ASB4: variants seen among roughly 807,000 people sequenced by gnomAD.
ASB4 encodes ankyrin repeat and SOCS box containing 4, also known as ankyrin repeat and SOCS box protein 4.
In ASB4, 35 loss-of-function variants were observed where a neutral mutation model predicts 38.6. The ratio of observed to expected loss-of-function variants is 0.91; its 90% CI spans 0.69 to 1.20. The LOEUF is 1.20. Among genes scored for constraint, ASB4 ranks in the 50% most tolerant of loss-of-function variants. ASB4 has a pLI of 0.00. For synonymous variants in ASB4, 195 were observed against 201.3 expected (o/e 0.97, Z 0.26); for missense variants, 557 against 527.2 (o/e 1.06, Z -0.55).
At chr7:95,547,408 G>T in the ASB4 span, among the ~76,000 whole-genome samples, 25 of 152,270 alleles carry the variant, frequency 1.6e-4, no homozygotes, top group East Asian at 4.8e-3. Context: ...ATTCTTATGT[G>T]TTTGGCTTCA....
upstream of ASB4, among the ~76,000 whole-genome samples, chr7:95,482,415 C>G (rs1790028322): frequency 6.6e-6 from 1 of 152,098 alleles, no homozygotes; most frequent in Non-Finnish European, 1.5e-5. Flanking sequence ...TTCCCTGTGG[C>G]CTTTGACCTT....
the ASB4 span, among the ~76,000 whole-genome samples, chr7:95,549,314 T>TTTTTTTTTTTTTTTG: frequency 6.8e-6 from 1 of 147,698 alleles, no homozygotes; most frequent in Admixed American, 6.7e-5. Flanking sequence ...TTTTTTTTTT[T>TTTTTTTTTTTTTTTG]GAGATGGAGT....
intron 1 of ASB4, among the ~76,000 whole-genome samples, chr7:95,486,944 G>A (rs1338767565): frequency 2.6e-5 from 4 of 152,182 alleles, no homozygotes; most frequent in Non-Finnish European, 4.4e-5. Flanking sequence ...TTGGGGGAAC[G>A]TGAGTAGTTA....
intron 3 of ASB4, among the ~76,000 whole-genome samples, chr7:95,533,411 G>A (rs1790845766): frequency 6.6e-6 from 1 of 152,128 alleles, no homozygotes; most frequent in Non-Finnish European, 1.5e-5. Flanking sequence ...TTAAAGATGA[G>A]GACAGGGCAG....
intron 2 of ASB4, among the ~76,000 whole-genome samples, chr7:95,513,961 T>TC (rs962949429): frequency 8.4e-4 from 128 of 152,304 alleles, no homozygotes; most frequent in African/African-American, 3.0e-3. Flanking sequence ...AAATTACCAG[T>TC]CCAAAATCAC....
chr7:95,531,983 T>C (rs1324832945), intron 3 of ASB4, among the ~76,000 whole-genome samples: 1 of 152,206 alleles, frequency 6.6e-6, no homozygotes, highest in Non-Finnish European at 1.5e-5. Context: ...AGTTGGCTAC[T>C]GGTAGATGGC....
chr7:95,538,829 G>T lies in ASB4; in HGVS notation c.*1070G>T, dbSNP rs1226228646. 1 of 152,112 alleles carries T rather than the reference G, an allele frequency of 6.6e-6. No homozygotes were observed. Among genetic ancestry groups the T allele is most frequent in the Admixed American group, 6.6e-5 (1 of 15,258 alleles). 9.4% of individuals were successfully genotyped at this position (152,112 alleles called of 1,614,324 possible). A position where few individuals can be genotyped will look rare whatever the true frequency, so the allele number is the denominator to read the frequency against. ...GTGAGGGGACCTAGTTGATTACTTC[G>T]GTCTTTTTATGTAGCAGACTGACAT... On this transcript the variant is annotated 3_prime_UTR_variant, in exon 5 of 5. Transcript: ENST00000325885.
chr7:95,478,381 C>T (rs1236419852), upstream of ASB4: 3 of 152,130 alleles, frequency 2.0e-5, no homozygotes, highest in Non-Finnish European at 4.4e-5. Context: ...AGAGCTAATG[C>T]CCCCTCTGTG....
chr7:95,527,433 C>T (rs77728504), intron 2 of ASB4, among the ~76,000 whole-genome samples: 2,636 of 152,226 alleles, frequency 0.017, 86 homozygotes, highest in African/African-American at 0.059. Context: ...TGTGACATAA[C>T]ATTTGTTTTT....
intron 1 of ASB4, among the ~76,000 whole-genome samples, chr7:95,494,377 T>C (rs1457803922): frequency 1.3e-5 from 2 of 152,228 alleles, no homozygotes; most frequent in Admixed American, 1.3e-4. Context: ...TAGTTTCAGA[T>C]TGTATTAGTT....
chr7:95,518,440 G>A (rs1254314805), intron 2 of ASB4, among the ~76,000 whole-genome samples: 2 of 152,236 alleles, frequency 1.3e-5, no homozygotes, highest in Non-Finnish European at 2.9e-5. Flanking sequence ...GGAGGGCCTT[G>A]ATTCTGAATT....
At chr7:95,524,138 AG>A (rs1790703113) in intron 2 of ASB4, among the ~76,000 whole-genome samples, 4 of 152,248 alleles carry the variant, frequency 2.6e-5, no homozygotes, top group Admixed American at 2.0e-4. Context: ...ATAGATGTAG[AG>A]CCCAGAGAAA....
chr7:95,493,917 A>G (rs1790210282), intron 1 of ASB4, among the ~76,000 whole-genome samples: 1 of 152,124 alleles, frequency 6.6e-6, no homozygotes. Flanking sequence ...TATTTAAGCA[A>G]TCTCCTATCA....
intron 3 of ASB4, among the ~76,000 whole-genome samples, chr7:95,530,268 C>T (rs1790801985): frequency 6.6e-6 from 1 of 151,916 alleles, no homozygotes; most frequent in Admixed American, 6.6e-5. Flanking sequence ...CAAGGACAGA[C>T]AGCCTGGGCA....
intron 2 of ASB4, among the ~76,000 whole-genome samples, chr7:95,513,883 T>A (rs890916355): frequency 6.6e-5 from 10 of 152,218 alleles, no homozygotes; most frequent in African/African-American, 2.4e-4. Flanking sequence ...GAATTGGTCA[T>A]CTGTCTGTCA....
At chr7:95,508,437 G>A (rs1162893303) in intron 2 of ASB4, among the ~76,000 whole-genome samples, 3 of 152,116 alleles carry the variant, frequency 2.0e-5, no homozygotes, top group East Asian at 1.9e-4. Context: ...TGTTAGAGAG[G>A]AAATATTATA....
At chr7:95,497,827 T>G (rs575996133) in intron 2 of ASB4, among the ~76,000 whole-genome samples, 1 of 152,302 alleles carries the variant, frequency 6.6e-6, no homozygotes, top group African/African-American at 2.4e-5. Flanking sequence ...CATAATACAT[T>G]TGAGATCCAT....
rs201880296 is a variant in ASB4 at position 95,493,386 on chromosome 7, G to A, written c.188-2372G>A. ...AGTGTGTGTGTGTGTGTGTGTGTGTGTGTGTATGTGTGTGTGTGTGTATAG... is the reference window on the plus strand; with the variant it reads ...AGTGTGTGTGTGTGTGTGTGTGTGTATGTGTATGTGTGTGTGTGTGTATAG... On this transcript the variant is annotated intron_variant, in intron 1 of 4. Coordinates refer to ENST00000325885, the MANE Select transcript of ASB4 (RefSeq NM_016116.3). Among the ~76,000 whole-genome samples, 12 of 45,784 alleles carry A rather than the reference G, an allele frequency of 2.6e-4. No individual in the cohort carries two copies. In the East Asian group the frequency reaches 5.8e-3, roughly 22 times the overall value. 30.0% of individuals were successfully genotyped at this position (45,784 alleles called of 152,430 possible). A position where few individuals can be genotyped will look rare whatever the true frequency, so the allele number is the denominator to read the frequency against.
Position 95,537,647 on chromosome 7 carries a change from G to A in ASB4, c.1169G>A (p.Cys390Tyr), listed in dbSNP as rs780238414. 6 of 1,613,640 alleles carry A rather than the reference G, an allele frequency of 3.7e-6. No individual in the cohort carries two copies. The highest frequency in any genetic ancestry group is 4.2e-6 in the Non-Finnish European group (5 of 1,179,736). ...AGGACTCTCATGCACTTATCGAGAT[G>A]TGCCATTAGAAGAACATTACACAAC... ...SPRTLMHLSR[C>Y]AIRRTLHNRC... is the part of the protein sequence containing the mutation. Residue 390 changes from cysteine (C) to tyrosine (Y), a missense_variant, in exon 5 of 5, where the codon TGT (cysteine) becomes TAT (tyrosine). Transcript: ENST00000325885.
Sources: gnomAD v4.1 joint callset for allele counts (sites outside exome capture counted in the v4.1 genomes callset) on GRCh38, gnomAD v4.1.1 for gene constraint, MANE v1.5 for transcripts, NCBI Gene and HGNC (gene_info 2026-07-23, HGNC 2026-07-21) for gene names.